Variants in ATG4C observed in about 807,000 individuals in gnomAD.
ATG4C encodes cysteine protease ATG4C.
Under a neutral mutation model 57.6 loss-of-function variants are expected in ATG4C, and 56 were observed. That is an observed-to-expected ratio of 0.97 (90% confidence interval 0.78 to 1.21). The LOEUF (loss-of-function observed/expected upper bound fraction) is 1.21. ATG4C is among the 50% of genes most tolerant of loss of function. The probability of loss-of-function intolerance (pLI) is 0.00; values close to 1 mark genes in which losing one functional copy is unlikely to be tolerated. For synonymous variants in ATG4C, 157 were observed against 174.1 expected, an observed-to-expected ratio of 0.90 and a Z score of 0.78; for missense variants, 595 against 529.8, an observed-to-expected ratio of 1.12 and a Z score of -1.21.
rs553162525 is a variant in ATG4C at position 62,852,331 on chromosome 1, C to T, written c.1209+10784C>T. On this transcript the variant is annotated intron_variant, in intron 10 of 10. Transcript: ENST00000317868. ...CTTACACAGGCATGAGGAGAATATG[C>T]AAACTTCACACAGATAGTGGCTCTG... 3.3e-5 allele frequency among the ~76,000 whole-genome samples: 5 copies of T among 152,166 alleles called. No individual in the cohort carries two copies. The South Asian group carries it at 8.3e-4, about 25-fold the overall frequency.
intron 1 of ATG4C, among the ~76,000 whole-genome samples, chr1:62,793,704 C>A (rs1309856588): frequency 1.3e-5 from 2 of 151,224 alleles, no homozygotes; most frequent in Non-Finnish European, 2.9e-5. Context: ...TTTATAAATT[C>A]TCTTTCAGTC....
chr1:62,797,151 C>G (rs562702095), intron 1 of ATG4C, among the ~76,000 whole-genome samples: 22 of 152,060 alleles, frequency 1.4e-4, no homozygotes, highest in Admixed American at 7.2e-4. Context: ...AACTTCTAGA[C>G]ATTGTTTTAT....
chr1:62,824,657 T>TTC lies in ATG4C; in HGVS notation c.796+3460_796+3461dup, dbSNP rs1444167300. Among the ~76,000 whole-genome samples, 74 of 147,454 alleles carry TTC rather than the reference T, an allele frequency of 5.0e-4. 2 individuals are homozygous for TTC. The East Asian group carries it at 0.014, about 28-fold the overall frequency. Reference sequence around the variant, plus strand: ...TCATACCAGAACTGCTCTTTTCTCTTTCTCTCTCTCTCTTTTTTTTTTTTT... The same window carrying TTC: ...TCATACCAGAACTGCTCTTTTCTCTTTCTCTCTCTCTCTCTTTTTTTTTTTTT... On this transcript the variant is annotated intron_variant, in intron 6 of 10. Coordinates refer to ENST00000317868, the MANE Select transcript of ATG4C (RefSeq NM_032852.4).
intron 3 of ATG4C, among the ~76,000 whole-genome samples, chr1:62,813,656 A>G (rs1226065344): frequency 6.6e-6 from 1 of 152,230 alleles, no homozygotes; most frequent in African/African-American, 2.4e-5. Flanking sequence ...ATCAGAGTAA[A>G]TAGGCAACCT....
At chr1:62,790,992 A>G (rs1664257666) in intron 1 of ATG4C, among the ~76,000 whole-genome samples, 1 of 152,200 alleles carries the variant, frequency 6.6e-6, no homozygotes, top group South Asian at 2.1e-4. Flanking sequence ...CCAGAATGGA[A>G]AGATTTATGT....
intron 7 of ATG4C, among the ~76,000 whole-genome samples, chr1:62,830,605 A>G (rs1373234940): frequency 6.6e-6 from 1 of 152,098 alleles, no homozygotes; most frequent in Non-Finnish European, 1.5e-5. Context: ...TAGCTTGACC[A>G]TGGTTTGTAG....
At chr1:62,850,591 C>T (rs908948491) in intron 10 of ATG4C, among the ~76,000 whole-genome samples, 1 of 151,926 alleles carries the variant, frequency 6.6e-6, no homozygotes, top group Admixed American at 6.6e-5. Context: ...CACTAGTCTC[C>T]TTGAAAATGA....
In ATG4C at chr1:62,819,034, G is replaced by T; in HGVS notation, c.424G>T (p.Glu142Ter). The change falls in exon 5 of 11, where the codon GAA (glutamate) becomes TAA (stop). Residue 142 changes from glutamate to a stop codon, truncating the protein, a stop_gained. Coordinates refer to ENST00000317868, the MANE Select transcript of ATG4C (RefSeq NM_032852.4). LOFTEE classifies it high-confidence loss of function. ...AWTWPDALNIENSDSESWTSH... is the reference protein window; with the variant it reads ...AWTWPDALNI ...GACCTGGCCTGATGCTTTGAATATT[G>T]AAAATTCAGACTCTGAATCATGGAC... The T allele has an allele frequency of 1.3e-6, 2 of 1,575,662 alleles. No homozygotes were observed. The highest frequency in any genetic ancestry group is 8.6e-7 in the Non-Finnish European group (1 of 1,162,806).
chr1:62,803,115 T>C (rs11208034), intron 1 of ATG4C, among the ~76,000 whole-genome samples: 22,082 of 152,234 alleles, frequency 0.15, 1,696 homozygotes, highest in South Asian at 0.2. Context: ...GCTACATTTA[T>C]TCTATTTTAA....
At position 62,816,638 on chromosome 1, in the gene ATG4C, A is replaced by G. The variant is rs11545528; in HGVS notation, c.224A>G (p.Asn75Ser). ...ATAGAGGATCACGTAATTGCAGGAA[A>G]TGTAGAAGAATTTCGTAAAGATTTC... ...CTIEDHVIAG[N>S]VEEFRKDFIS... Residue 75 changes from asparagine (N) to serine (S), a missense_variant, in exon 4 of 11, where the codon AAT (asparagine) becomes AGT (serine). Physicochemically the swap from Asn to Ser is conservative, Grantham distance 46. Coordinates refer to ENST00000317868, the MANE Select transcript of ATG4C (RefSeq NM_032852.4). The G allele has an allele frequency of 5.6e-4, 908 of 1,613,858 alleles. 3 individuals carry two copies. Among genetic ancestry groups the G allele is most frequent in the Non-Finnish European group, 5.0e-4 (595 of 1,179,832 alleles).
intron 6 of ATG4C, among the ~76,000 whole-genome samples, chr1:62,821,903 T>G (rs961288683): frequency 4.6e-5 from 7 of 152,066 alleles, no homozygotes; most frequent in Non-Finnish European, 8.8e-5. Flanking sequence ...TGAGACCAAG[T>G]TTTGACCGTG....
chr1:62,814,715 G>A (rs1665206493), intron 3 of ATG4C, among the ~76,000 whole-genome samples: 2 of 152,064 alleles, frequency 1.3e-5, no homozygotes, highest in Admixed American at 1.3e-4. Flanking sequence ...CTTATAGGAA[G>A]TACTAGCTGA....
intron 10 of ATG4C, among the ~76,000 whole-genome samples, chr1:62,861,457 A>G: frequency 6.6e-6 from 1 of 151,996 alleles, no homozygotes; most frequent in East Asian, 1.9e-4. Context: ...AAGTAGAAGG[A>G]TCATTTGAGT....
At chr1:62,820,766 T>C (rs116070675) in intron 5 of ATG4C, among the ~76,000 whole-genome samples, 2,793 of 152,220 alleles carry the variant, frequency 0.018, 43 homozygotes, top group Middle Eastern at 0.034. Context: ...GACACAGTAA[T>C]TGACTCCTAG....
In ATG4C at chr1:62,819,021, T is replaced by G. The variant is rs768182891; in HGVS notation, c.411T>G (p.Asp137Glu). The change falls in exon 5 of 11, where the codon GAT becomes GAG. Residue 137 changes from aspartate (D) to glutamate (E), a missense_variant. Transcript: ENST00000317868. ...CTACTATAGCTTGGACCTGGCCTGA[T>G]GCTTTGAATATTGAAAATTCAGACT... ...HFLGRAWTWP[D>E]ALNIENSDSE... The G allele has an allele frequency of 1.5e-5, 24 of 1,565,158 alleles. No individual in the cohort carries two copies. The Middle Eastern group carries it at 6.9e-4, about 45-fold the overall frequency.
intron 10 of ATG4C, among the ~76,000 whole-genome samples, chr1:62,858,583 T>C (rs1371635986): frequency 6.6e-6 from 1 of 152,020 alleles, no homozygotes; most frequent in Non-Finnish European, 1.5e-5. Context: ...TGGAAATAAG[T>C]AGAATCAATG....
chr1:62,784,771 C>T (rs1190133677), intron 1 of ATG4C, among the ~76,000 whole-genome samples: 3 of 152,114 alleles, frequency 2.0e-5, no homozygotes, highest in Admixed American at 1.3e-4. Context: ...ATATTAATGC[C>T]TTTCCATCTA....
chr1:62,854,419 A>T (rs186207708), intron 10 of ATG4C, among the ~76,000 whole-genome samples: 10 of 151,902 alleles, frequency 6.6e-5, no homozygotes, highest in Non-Finnish European at 1.2e-4. Context: ...CTGGGACTAC[A>T]GGCACTTGCC....
At chr1:62,846,077 T>C (rs943553366) in intron 10 of ATG4C, among the ~76,000 whole-genome samples, 4 of 152,188 alleles carry the variant, frequency 2.6e-5, no homozygotes, top group Non-Finnish European at 5.9e-5. Flanking sequence ...TTCATTAATA[T>C]GGTGATTCAT....
Sources: allele counts gnomAD v4.1 joint callset (sites outside exome capture counted in the v4.1 genomes callset), GRCh38; gene constraint gnomAD v4.1.1; transcripts MANE v1.5; gene names NCBI Gene and HGNC (gene_info 2026-07-23, HGNC 2026-07-21).